BCL2L1: variants seen among roughly 807,000 people sequenced by gnomAD.
BCL2L1 encodes bcl-2-like protein 1.
In BCL2L1, 1 loss-of-function variant was observed where a neutral mutation model predicts 18.7. The observed-to-expected ratio is 0.05, with a 90% CI of 0.02 to 0.25. BCL2L1 has a LOEUF of 0.25. Among genes scored for constraint, BCL2L1 ranks in the 10% least tolerant of loss-of-function variants. The probability of loss-of-function intolerance (pLI) is 1.00; values close to 1 mark genes in which losing one functional copy is unlikely to be tolerated. For synonymous variants in BCL2L1, 103 were observed against 122.7 expected, an observed-to-expected ratio of 0.84 and a Z score of 1.06; for missense variants, 207 against 304.9, an observed-to-expected ratio of 0.68 and a Z score of 2.39.
intron 2 of BCL2L1, among the ~76,000 whole-genome samples, chr20:31,697,905 T>TTGTTTGTTTGTTTTTTTTTTTTTTTTA (rs2061206999): frequency 6.6e-6 from 1 of 150,522 alleles, no homozygotes; most frequent in African/African-American, 2.5e-5. Context: ...TTTTTTTTTT[T>TTGTTTGTTTGTTTTTTTTTTTTTTTTA]GAGACGGAGT....
At chr20:31,691,129 G>A (rs1267591493) in intron 2 of BCL2L1, among the ~76,000 whole-genome samples, 29 of 113,128 alleles carry the variant, frequency 2.6e-4, no homozygotes, top group Admixed American at 1.4e-3. Context: ...CTCCAGCCTG[G>A]GCAACAGGGC....
chr20:31,683,769 CAA>C (rs372160646), intron 2 of BCL2L1, among the ~76,000 whole-genome samples: 222 of 80,554 alleles, frequency 2.8e-3, no homozygotes, highest in East Asian at 0.019. Flanking sequence ...AACTCCATCT[CAA>C]AAAAAAAAAA....
intron 2 of BCL2L1, among the ~76,000 whole-genome samples, chr20:31,717,481 T>C (rs2061554495): frequency 6.6e-6 from 1 of 152,226 alleles, no homozygotes; most frequent in Non-Finnish European, 1.5e-5. Flanking sequence ...TGGAAAACCC[T>C]GTGATGGTAA....
chr20:31,706,662 C>T (rs1026659322), intron 2 of BCL2L1, among the ~76,000 whole-genome samples: 11 of 152,278 alleles, frequency 7.2e-5, no homozygotes, highest in Admixed American at 5.9e-4. Context: ...GTAACTTGTC[C>T]AAATTCATGA....
At chr20:31,691,152 CAAAAAAAAAAAAAAAA>C (rs539012918) in intron 2 of BCL2L1, among the ~76,000 whole-genome samples, 51 of 24,844 alleles carry the variant, frequency 2.1e-3, no homozygotes, top group South Asian at 9.1e-3. Flanking sequence ...GACTCTGTCT[CAAAAAAAAAAAAAAAA>C]AAAAAAAAAA....
intron 2 of BCL2L1, among the ~76,000 whole-genome samples, chr20:31,706,714 C>T (rs963930758): frequency 3.9e-5 from 6 of 152,238 alleles, no homozygotes; most frequent in African/African-American, 1.4e-4. Flanking sequence ...TCAAAAAATG[C>T]TTGTTGACTG....
intron 2 of BCL2L1, among the ~76,000 whole-genome samples, chr20:31,717,165 A>C (rs954184767): frequency 2.0e-5 from 3 of 152,234 alleles, no homozygotes; most frequent in African/African-American, 7.2e-5. Flanking sequence ...CATTAAACTC[A>C]GGCAAAACCA....
rs1161266730 is a variant in BCL2L1, at chr20:31,697,050, C to CAA, written c.564+24603_564+24604dup. On this transcript the variant is annotated intron_variant, in intron 2 of 2. Coordinates refer to ENST00000307677, the MANE Select transcript of BCL2L1 (RefSeq NM_138578.3). ...TGGGCAACAGAGCAAGACTCTATCTCAAAAAAAAAAAAAAAAAAAAAATTA... is the reference window on the plus strand; with the variant it reads ...TGGGCAACAGAGCAAGACTCTATCTCAAAAAAAAAAAAAAAAAAAAAAAATTA... Among the ~76,000 whole-genome samples the CAA allele has an allele frequency of 9.8e-3, 749 of 76,708 alleles. 9 individuals are homozygous for CAA. Among genetic ancestry groups the CAA allele is most frequent in the Middle Eastern group, 0.037 (5 of 136 alleles). The allele number at this position is 76,708 out of a possible 152,430, so 50.3% of individuals were successfully genotyped here.
At chr20:31,693,534 A>G (rs771839631) in intron 2 of BCL2L1, among the ~76,000 whole-genome samples, 2 of 151,268 alleles carry the variant, frequency 1.3e-5, no homozygotes, top group Admixed American at 1.3e-4. Context: ...ACTCACGTTT[A>G]TTTTTGTTTG....
intron 2 of BCL2L1, among the ~76,000 whole-genome samples, chr20:31,712,951 G>A (rs1383343094): frequency 1.3e-5 from 2 of 152,128 alleles, no homozygotes; most frequent in Non-Finnish European, 2.9e-5. Context: ...ACTGGGGGAG[G>A]GGAAGGCAGG....
intron 2 of BCL2L1, among the ~76,000 whole-genome samples, chr20:31,667,484 C>CGTGTGTGTGTGTGGGTGT (rs2060605582): frequency 7.4e-6 from 1 of 135,266 alleles, no homozygotes; most frequent in Non-Finnish European, 1.5e-5. Flanking sequence ...ACCATAGTAC[C>CGTGTGTGTGTGTGGGTGT]GTGTGTGTGT....
At chr20:31,701,686 A>T (rs935809972) in intron 2 of BCL2L1, among the ~76,000 whole-genome samples, 14 of 152,250 alleles carry the variant, frequency 9.2e-5, no homozygotes, top group Non-Finnish European at 1.9e-4. Context: ...CATTATAACA[A>T]TTAAGAATAA....
At chr20:31,693,761 T>C (rs1466684527) in intron 2 of BCL2L1, among the ~76,000 whole-genome samples, 1 of 152,076 alleles carries the variant, frequency 6.6e-6, no homozygotes, top group Non-Finnish European at 1.5e-5. Context: ...GTCTCAAACT[T>C]CTGGCCTCAA....
intron 2 of BCL2L1, among the ~76,000 whole-genome samples, chr20:31,705,542 T>C (rs2122734772): frequency 6.6e-6 from 1 of 152,244 alleles, no homozygotes; most frequent in Middle Eastern, 3.4e-3. Context: ...CCCAGCACAG[T>C]GCCTAACACA....
intron 2 of BCL2L1, among the ~76,000 whole-genome samples, chr20:31,694,618 G>T (rs190731433): frequency 3.9e-5 from 6 of 152,162 alleles, no homozygotes; most frequent in Non-Finnish European, 7.4e-5. Context: ...TAGTAATAAG[G>T]ATTAGAGCTA....
At chr20:31,703,946 C>T (rs759304366) in intron 2 of BCL2L1, among the ~76,000 whole-genome samples, 4 of 150,934 alleles carry the variant, frequency 2.7e-5, no homozygotes, top group South Asian at 2.1e-4. Flanking sequence ...TATAGGCCCA[C>T]GCCACCACAC....
intron 2 of BCL2L1, among the ~76,000 whole-genome samples, chr20:31,676,920 G>A (rs1205508444): frequency 2.0e-5 from 3 of 152,104 alleles, no homozygotes; most frequent in Non-Finnish European, 2.9e-5. Context: ...GCTGATGCTC[G>A]TCTCCCTCTG....
intron 2 of BCL2L1, chr20:31,721,048 C>T (rs549601109): frequency 1.1e-6 from 1 of 881,892 alleles, no homozygotes; most frequent in African/African-American, 1.8e-5. Context: ...CAAACACAAT[C>T]TGCACAGCCT....
chr20:31,690,633 T>C (rs749221014), intron 2 of BCL2L1, among the ~76,000 whole-genome samples: 23 of 151,578 alleles, frequency 1.5e-4, no homozygotes, highest in Non-Finnish European at 3.1e-4. Flanking sequence ...TGCAATGGCA[T>C]GATCTCAGCT....
Sources: allele counts gnomAD v4.1 joint callset (sites outside exome capture counted in the v4.1 genomes callset), GRCh38; gene constraint gnomAD v4.1.1; transcripts MANE v1.5; gene names NCBI Gene and HGNC (gene_info 2026-07-23, HGNC 2026-07-21).